The following MALRD1 variants were observed in gnomAD, a reference collection of about 807,000 sequenced individuals.
The protein encoded by MALRD1 is MAM and LDL receptor class A domain containing 1, also known as MAM and LDL-receptor class A domain-containing protein 1.
A neutral mutation model predicts 242.1 loss-of-function variants in MALRD1; 247 were observed. That is an observed-to-expected ratio of 1.02 (90% CI 0.92 to 1.13). The LOEUF is 1.13. Ranked by LOEUF, MALRD1 falls within the 50% of genes most tolerant of loss-of-function variation. The pLI is 0.00. For missense variants in MALRD1, 2,989 were observed against 2,533.1 expected (o/e 1.18, Z -3.86); for synonymous variants, 995 against 866.6 (o/e 1.15, Z -2.60).
chr10:19,430,234 C>T (rs927275310), intron 28 of MALRD1, among the ~76,000 whole-genome samples: 1 of 149,266 alleles, frequency 6.7e-6, no homozygotes, highest in Admixed American at 6.8e-5. Context: ...TCTGCCTGAG[C>T]CTCCCAAGTA....
intron 32 of MALRD1, among the ~76,000 whole-genome samples, chr10:19,563,519 G>C (rs1836102893): frequency 1.3e-5 from 2 of 152,144 alleles, no homozygotes; most frequent in South Asian, 4.1e-4. Flanking sequence ...ATGTCATATT[G>C]TCCTCTCACT....
intron 1 of MALRD1, among the ~76,000 whole-genome samples, chr10:19,050,953 A>G (rs574205581): frequency 3.3e-4 from 51 of 152,328 alleles, no homozygotes; most frequent in African/African-American, 1.2e-3. Flanking sequence ...TTCTAATAAC[A>G]TACAGCCTTG....
chr10:19,245,864 A>T (rs1170036679), intron 18 of MALRD1, among the ~76,000 whole-genome samples: 1 of 152,190 alleles, frequency 6.6e-6, no homozygotes, highest in Non-Finnish European at 1.5e-5. Context: ...ATATATTTTA[A>T]AAATTTCTTG....
At chr10:19,310,753 T>C (rs1316184046) in intron 21 of MALRD1, among the ~76,000 whole-genome samples, 1 of 151,514 alleles carries the variant, frequency 6.6e-6, no homozygotes, top group Non-Finnish European at 1.5e-5. Context: ...GTGCCTTCTT[T>C]AAACGATCTC....
At position 19,255,484 on chromosome 10, in the gene MALRD1, A is replaced by T. The variant is rs969364065; in HGVS notation, c.2992-2200A>T. On this transcript the variant is annotated intron_variant, in intron 18 of 39. Coordinates refer to ENST00000454679, the MANE Select transcript of MALRD1 (RefSeq NM_001142308.3). Reference sequence around the variant, plus strand: ...TTACCAAGCTTTTTTGCAAGACTAAAATATAGGGTTAAAGTAGGGTTAAAC... The same window carrying T: ...TTACCAAGCTTTTTTGCAAGACTAATATATAGGGTTAAAGTAGGGTTAAAC... Among the ~76,000 whole-genome samples, 4 of 152,090 alleles carry T rather than the reference A, an allele frequency of 2.6e-5. No homozygotes were observed. The South Asian group carries it at 8.3e-4, about 32-fold the overall frequency.
intron 24 of MALRD1, among the ~76,000 whole-genome samples, chr10:19,338,123 C>T (rs979283074): frequency 1.8e-4 from 28 of 151,926 alleles, no homozygotes; most frequent in African/African-American, 6.3e-4. Flanking sequence ...ATAGCCTTCC[C>T]CATACAAGAG....
intron 29 of MALRD1, among the ~76,000 whole-genome samples, chr10:19,463,795 G>A (rs1836072613): frequency 6.6e-6 from 1 of 152,124 alleles, no homozygotes; most frequent in Non-Finnish European, 1.5e-5. Context: ...TATTCACACT[G>A]TTTTCCATAG....
At chr10:19,406,984 A>G (rs768518536) in intron 28 of MALRD1, among the ~76,000 whole-genome samples, 1 of 152,038 alleles carries the variant, frequency 6.6e-6, no homozygotes, top group East Asian at 1.9e-4. Flanking sequence ...TCCACCACCA[A>G]ACACATGTGC....
intron 33 of MALRD1, among the ~76,000 whole-genome samples, chr10:19,587,721 C>G (rs1312615628): frequency 2.6e-5 from 4 of 152,038 alleles, no homozygotes; most frequent in Non-Finnish European, 5.9e-5. Flanking sequence ...CTGCATAGCA[C>G]AAAGTGAAGT....
intron 36 of MALRD1, among the ~76,000 whole-genome samples, chr10:19,642,924 T>A (rs969494264): frequency 2.6e-5 from 4 of 152,220 alleles, no homozygotes; most frequent in Non-Finnish European, 5.9e-5. Flanking sequence ...TTATTACCAC[T>A]GGCTCCAGAA....
At chr10:19,589,028 A>G (rs1352999580) in intron 33 of MALRD1, among the ~76,000 whole-genome samples, 1 of 152,234 alleles carries the variant, frequency 6.6e-6, no homozygotes, top group East Asian at 1.9e-4. Flanking sequence ...CACAATAAAG[A>G]CAAGGGTAAA....
chr10:19,088,129 C>A lies in MALRD1; in HGVS notation c.541C>A (p.Leu181Ile). The A allele has an allele frequency of 1.6e-6, 2 of 1,233,556 alleles. No homozygotes were observed. Among genetic ancestry groups the A allele is most frequent in the Non-Finnish European group, 1.0e-6 (1 of 987,898 alleles). 76.4% of individuals were successfully genotyped at this position (1,233,556 alleles called of 1,614,324 possible). ...GCATTTATGGCAAAACACAGCTGCA[C>A]TCCCAAATCAGTGGGAGAGAAATGT... The part of the protein sequence containing the change: ...IQHLWQNTAA[L>I]PNQWERNVIK... Residue 181 changes from leucine (L) to isoleucine (I), a missense_variant, in exon 4 of 40, where the codon CTC (leucine) becomes ATC (isoleucine). Coordinates refer to ENST00000454679, the MANE Select transcript of MALRD1 (RefSeq NM_001142308.3).
At chr10:19,088,602 A>G (rs779936168) in intron 4 of MALRD1, among the ~76,000 whole-genome samples, 2 of 82,888 alleles carry the variant, frequency 2.4e-5, no homozygotes, top group African/African-American at 5.4e-5. Context: ...TTTTTTTATT[A>G]TACTCTAAGT....
intron 21 of MALRD1, among the ~76,000 whole-genome samples, chr10:19,302,936 T>G (rs1182879079): frequency 6.6e-6 from 1 of 151,746 alleles, no homozygotes; most frequent in African/African-American, 2.4e-5. Flanking sequence ...AAAAATATCT[T>G]TAACTCAGGT....
intron 21 of MALRD1, among the ~76,000 whole-genome samples, chr10:19,306,031 T>C (rs1471980582): frequency 8.9e-6 from 1 of 112,104 alleles, no homozygotes; most frequent in Non-Finnish European, 1.7e-5. Flanking sequence ...TATACTATAC[T>C]ATATATTATA....
At chr10:19,549,545 A>C (rs570765454) in intron 32 of MALRD1, among the ~76,000 whole-genome samples, 1 of 152,172 alleles carries the variant, frequency 6.6e-6, no homozygotes, top group Non-Finnish European at 1.5e-5. Context: ...GGTCATTAGC[A>C]TATTTTAGCA....
At chr10:19,050,648 G>C (rs960457974) in intron 1 of MALRD1, among the ~76,000 whole-genome samples, 3 of 152,124 alleles carry the variant, frequency 2.0e-5, no homozygotes, top group African/African-American at 7.2e-5. Flanking sequence ...ACCAAGTTCA[G>C]CCAAGGGCAA....
chr10:19,506,285 A>G (rs1361750786), intron 31 of MALRD1, among the ~76,000 whole-genome samples: 2 of 152,208 alleles, frequency 1.3e-5, no homozygotes, highest in South Asian at 2.1e-4. Context: ...AAGACAACCA[A>G]TGTCATGAAA....
chr10:19,088,065 A>G lies in MALRD1; in HGVS notation c.477A>G (p.Leu159=). 1 of 1,233,506 alleles carries G rather than the reference A, an allele frequency of 8.1e-7. No individual in the cohort carries two copies. Among genetic ancestry groups the G allele is most frequent in the Non-Finnish European group, 1.0e-6 (1 of 987,904 alleles). The allele number at this position is 1,233,506 out of a possible 1,614,324, so 76.4% of individuals were successfully genotyped here. Reference sequence around the variant, plus strand: ...TCTCCTGCCAAGTGAGTGGCAAATTAATGGTTGGGCTTCAAACTGCATGTG... The same window carrying G: ...TCTCCTGCCAAGTGAGTGGCAAATTGATGGTTGGGCTTCAAACTGCATGTG... The part of the protein sequence containing the change: ...YYFSCQVSGK[L]MVGLQTACGG... The change falls in exon 4 of 40, where the codon TTA becomes TTG. Residue 159 remains leucine (L), a synonymous_variant. Coordinates refer to ENST00000454679, the MANE Select transcript of MALRD1 (RefSeq NM_001142308.3).
Sources: allele counts gnomAD v4.1 joint callset (sites outside exome capture counted in the v4.1 genomes callset), GRCh38; gene constraint gnomAD v4.1.1; transcripts MANE v1.5; gene names NCBI Gene and HGNC (gene_info 2026-07-23, HGNC 2026-07-21).